PCSK6: variants seen among roughly 807,000 people sequenced by gnomAD.
PCSK6 encodes the protein paired basic amino acid cleaving enzyme 4.
Under a neutral mutation model 123.3 loss-of-function variants are expected in PCSK6, and 85 were observed. That is an observed-to-expected ratio of 0.69 (90% CI 0.58 to 0.83). PCSK6 has a LOEUF of 0.83. Ranked by LOEUF, PCSK6 falls within the 40% of genes least tolerant of loss-of-function variation. The pLI, the probability that PCSK6 is intolerant of heterozygous loss-of-function variation, is 0.00. For synonymous variants in PCSK6, 508 were observed against 516.0 expected, an observed-to-expected ratio of 0.98 and a Z score of 0.21; for missense variants, 1,191 against 1,282.3, an observed-to-expected ratio of 0.93 and a Z score of 1.09.
chr15:101,393,474 G>A (rs763449484), intron 7 of PCSK6, 50 bp from the exon 8 acceptor site: 2 of 1,475,590 alleles, frequency 1.4e-6, no homozygotes, highest in Non-Finnish European at 9.2e-7. Context: ...AACCTCGTAG[G>A]GTGGGTCTCC....
chr15:101,369,578 T>G (rs946881065), intron 12 of PCSK6, among the ~76,000 whole-genome samples: 2 of 152,236 alleles, frequency 1.3e-5, no homozygotes, highest in Non-Finnish European at 2.9e-5. Context: ...CCATGAAATT[T>G]CTTTACTCTC....
chr15:101,462,244 G>T (rs775583267), intron 1 of PCSK6, among the ~76,000 whole-genome samples: 1 of 152,312 alleles, frequency 6.6e-6, no homozygotes, highest in South Asian at 2.1e-4. Flanking sequence ...TCAGAGATGT[G>T]TAAGTTGTGT....
chr15:101,354,108 G>C (rs113176084), intron 13 of PCSK6, among the ~76,000 whole-genome samples: 2,351 of 152,202 alleles, frequency 0.015, 64 homozygotes, highest in African/African-American at 0.054. Context: ...CCGCTCTAGA[G>C]CTCAGCCTTG....
intron 16 of PCSK6, 89 bp downstream of exon 16, chr15:101,326,288 C>G: frequency 1.0e-6 from 1 of 991,154 alleles, no homozygotes; most frequent in Non-Finnish European, 1.5e-6. Context: ...ACGTTACTTC[C>G]TAACTGGGGC....
chr15:101,305,939 A>C lies in PCSK6; in HGVS notation c.2813-584T>G, dbSNP rs2039713535. 6.6e-6 allele frequency among the ~76,000 whole-genome samples: 1 copy of C among 151,888 alleles called. No individual in the cohort carries two copies. Among genetic ancestry groups the C allele is most frequent in the South Asian group, 2.1e-4 (1 of 4,820 alleles). On this transcript the variant is annotated intron_variant, in intron 21 of 21. Coordinates refer to ENST00000611716, the MANE Select transcript of PCSK6 (RefSeq NM_002570.5). The surrounding 1 kb of genome is among the most constrained non-coding windows in gnomAD (Gnocchi z 4.8). ...AGTGACAAGGGGATTCATGAGCAGG[A>C]TGTGGGGGTGGTGTGGGAGGGATCT...
chr15:101,371,666 G>A (rs1052807395), intron 11 of PCSK6, among the ~76,000 whole-genome samples: 2 of 152,166 alleles, frequency 1.3e-5, no homozygotes, highest in African/African-American at 4.8e-5. Flanking sequence ...CTAATGCGGG[G>A]AGGAGCTGGG....
intron 13 of PCSK6, chr15:101,364,990 G>A (rs758578696): frequency 7.7e-6 from 6 of 778,530 alleles, no homozygotes; most frequent in South Asian, 4.0e-5. Context: ...CGAGAGTGTG[G>A]AAACGAACCT....
At chr15:101,463,994 G>C (rs1443355247) in intron 1 of PCSK6, among the ~76,000 whole-genome samples, 3 of 152,114 alleles carry the variant, frequency 2.0e-5, no homozygotes, top group Admixed American at 1.3e-4. Flanking sequence ...GATGCTCAAC[G>C]GCTCCAGGTC....
intron 13 of PCSK6, among the ~76,000 whole-genome samples, chr15:101,345,827 C>G (rs2040716878): frequency 6.6e-6 from 1 of 152,172 alleles, no homozygotes; most frequent in Non-Finnish European, 1.5e-5. Flanking sequence ...ACCACCATGA[C>G]CGGCTAATTT....
rs1249667370 is a variant in PCSK6, at chr15:101,327,801, G to A, written c.2078-1322C>T. 5.9e-5 allele frequency among the ~76,000 whole-genome samples: 9 copies of A among 152,152 alleles called. No individual in the cohort carries two copies. In the South Asian group the frequency reaches 6.2e-4, roughly 11 times the overall value. On this transcript the variant is annotated intron_variant, in intron 15 of 21. Transcript: ENST00000611716. ...CTTCCCTCCCCGAAGGCTCTCTGGTGTTATTTCCCTAGTTTTCACTGGGGG... is the reference window on the plus strand; with the variant it reads ...CTTCCCTCCCCGAAGGCTCTCTGGTATTATTTCCCTAGTTTTCACTGGGGG...
At chr15:101,452,341 C>G (rs1172251987) in intron 1 of PCSK6, among the ~76,000 whole-genome samples, 1 of 152,224 alleles carries the variant, frequency 6.6e-6, no homozygotes, top group African/African-American at 2.4e-5. Flanking sequence ...ACAATCCTGA[C>G]TTTGAAGATC....
At chr15:101,464,216 C>G (rs558524799) in intron 1 of PCSK6, among the ~76,000 whole-genome samples, 2 of 152,140 alleles carry the variant, frequency 1.3e-5, no homozygotes, top group Non-Finnish European at 2.9e-5. Flanking sequence ...CCACATCCTG[C>G]GCCACCTGGG....
chr15:101,394,993 GGT>G (rs372895594), intron 7 of PCSK6, among the ~76,000 whole-genome samples: 34 of 152,302 alleles, frequency 2.2e-4, no homozygotes, highest in Admixed American at 5.9e-4. Flanking sequence ...TCAGGAAGGT[GGT>G]GTGTGTGTGC....
At chr15:101,340,365 C>G (rs1389231966) in intron 13 of PCSK6, among the ~76,000 whole-genome samples, 1 of 152,222 alleles carries the variant, frequency 6.6e-6, no homozygotes, top group Non-Finnish European at 1.5e-5. Context: ...GAATCCTAAA[C>G]AAATATCCTT....
rs752726685 is a variant in PCSK6, at chr15:101,305,241, T to C, written c.*17A>G. ...GATGGATGGGAGTGCCTGCCCTCTG[T>C]GGGCAGCTAGGCACCCTTACCCGGC... On this transcript the variant is annotated 3_prime_UTR_variant, in exon 22 of 22. Coordinates refer to ENST00000611716, the MANE Select transcript of PCSK6 (RefSeq NM_002570.5). This position sits in a 1 kb window ranked among gnomAD's most constrained non-coding sequence, Gnocchi z 4.8. 6.3e-7 allele frequency: 1 copy of C among 1,594,254 alleles called. No individual in the cohort carries two copies. Among genetic ancestry groups the C allele is most frequent in the East Asian group, 2.2e-5 (1 of 44,682 alleles).
chr15:101,356,721 A>T (rs1176492967), intron 13 of PCSK6, among the ~76,000 whole-genome samples: 1 of 135,900 alleles, frequency 7.4e-6, no homozygotes, highest in African/African-American at 2.7e-5. Flanking sequence ...AAATAAATAA[A>T]TAATATAGGT....
At chr15:101,431,835 T>C (rs1008677895) in intron 3 of PCSK6, among the ~76,000 whole-genome samples, 155 bp downstream of exon 3, 1 of 152,228 alleles carries the variant, frequency 6.6e-6, no homozygotes, top group South Asian at 2.1e-4. Context: ...AAGCCGGTAC[T>C]GCACAGCCTT....
Position 101,324,870 on chromosome 15 carries a change from G to A in PCSK6, c.2357C>T (p.Ala786Val). 3.7e-6 allele frequency: 6 copies of A among 1,613,206 alleles called. No individual in the cohort carries two copies. Among genetic ancestry groups the A allele is most frequent in the South Asian group, 1.1e-5 (1 of 91,066 alleles). ...CTTACTTTCATCAGCATAAAATCCT[G>A]CAGGACAGAGGGTCACACAGGTGTT... ...EMNTCVTLCP[A>V]GFYADESQKN... Residue 786 changes from alanine to valine, a missense_variant, in exon 17 of 22, where the codon GCA becomes GTA. Ala to Val is a moderately conservative substitution (Grantham distance 64). Around this residue, in one of 3 missense-constraint regions of PCSK6, gnomAD observed 630 missense variants for 631.4 expected, o/e 1.00. Transcript: ENST00000611716.
rs528563163 is a variant in PCSK6, at chr15:101,326,853, C to T, written c.2078-374G>A. Among the ~76,000 whole-genome samples the T allele has an allele frequency of 1.8e-3, 269 of 152,330 alleles. 1 individual carries two copies. The highest frequency in any genetic ancestry group is 0.01 in the Middle Eastern group (3 of 294). The stretch of plus-strand genomic sequence containing the variant: ...TCACTCACTTGCACCAGTCATCATG[C>T]TGGGACCAGCCAGCACCTTTGACTT... On this transcript the variant is annotated intron_variant, in intron 15 of 21. Coordinates refer to ENST00000611716, the MANE Select transcript of PCSK6 (RefSeq NM_002570.5).
Sources: allele counts gnomAD v4.1 joint callset (sites outside exome capture counted in the v4.1 genomes callset), GRCh38; gene constraint gnomAD v4.1.1; regional missense constraint gnomAD v4.1.1; non-coding constraint Gnocchi (gnomAD v3.1); transcripts MANE v1.5; gene names NCBI Gene and HGNC (gene_info 2026-07-23, HGNC 2026-07-21).